CLU: variants seen among roughly 807,000 people sequenced by gnomAD.
CLU encodes the protein aging-associated protein 4.
CLU carries 25 observed loss-of-function variants against 46.4 expected under a neutral mutation model. That is an observed-to-expected ratio of 0.54 (90% CI 0.39 to 0.75). CLU has a LOEUF of 0.75. Ranked by LOEUF, CLU falls within the 30% of genes least tolerant of loss-of-function variation. The pLI is 0.00. For synonymous variants in CLU, 235 were observed against 235.1 expected (o/e 1.00, Z 0.00); for missense variants, 504 against 592.1 (o/e 0.85, Z 1.54).
intron 3 of CLU, among the ~76,000 whole-genome samples, chr8:27,607,075 C>T (rs1036774013): frequency 3.3e-5 from 5 of 152,190 alleles, no homozygotes; most frequent in African/African-American, 1.2e-4. Context: ...CGGCAGCTGA[C>T]ACCTGTAATC....
Position 27,608,976 on chromosome 8 carries a change from G to A in CLU, c.208C>T (p.Leu70=). 6.2e-7 allele frequency: 1 copy of A among 1,614,250 alleles called. No homozygotes were observed. The highest frequency in any genetic ancestry group is 1.7e-5 in the Admixed American group (1 of 60,036). The change falls in exon 3 of 9, where the codon CTG becomes TTG. Residue 70 remains leucine, a synonymous_variant. Coordinates refer to ENST00000316403, the MANE Select transcript of CLU (RefSeq NM_001831.4). ...TTGGCTTCTTCTAGGTTGCTGAGCA[G>A]TGTCTTGCGCTCTTCGTTTGTTTTT... ...IEKTNEERKT[L]LSNLEEAKKK...
intron 6 of CLU, among the ~76,000 whole-genome samples, chr8:27,601,210 G>A (rs985492349): frequency 2.6e-5 from 4 of 152,158 alleles, no homozygotes; most frequent in Non-Finnish European, 5.9e-5. Context: ...CACCACCCCC[G>A]GGTGATTTTT....
In CLU at chr8:27,598,262, AAC is replaced by A. The variant is rs1426324763; in HGVS notation, c.1341-14_1341-13del. 3.7e-6 allele frequency: 6 copies of A among 1,613,730 alleles called. No homozygotes were observed. The highest frequency in any genetic ancestry group is 5.1e-6 in the Non-Finnish European group (6 of 1,179,870). On this transcript the variant is annotated splice_polypyrimidine_tract_variant and intron_variant, in intron 8 of 8. Transcript: ENST00000316403. ...CATCTCACTCCTCCCTGAAATAAAAAACAGTTATCCTCCAAAGTAAAACATCC... is the reference window on the plus strand; with the variant it reads ...CATCTCACTCCTCCCTGAAATAAAAAAGTTATCCTCCAAAGTAAAACATCC...
chr8:27,606,756 C>T (rs1800829786), intron 3 of CLU, among the ~76,000 whole-genome samples: 1 of 152,252 alleles, frequency 6.6e-6, no homozygotes, highest in Admixed American at 6.5e-5. Context: ...CCAACTGTTC[C>T]CTAACTCCTA....
chr8:27,599,861 C>G lies in CLU; in HGVS notation c.1083G>C (p.Gln361His). 1 of 1,614,184 alleles carries G rather than the reference C, an allele frequency of 6.2e-7. No individual in the cohort carries two copies. The highest frequency in any genetic ancestry group is 8.5e-7 in the Non-Finnish European group (1 of 1,180,026). ...KMLNTSSLLE[Q>H]LNEQFNWVSR... ...ACACCCAGTTAAACTGCTCGTTCAG[C>G]TGCTCCAGCAAGGAGGAGGTGTTGA... Residue 361 changes from glutamine to histidine, a missense_variant, in exon 7 of 9, where the codon CAG becomes CAC. Around this residue, in one of 3 missense-constraint regions of CLU, gnomAD observed 428 missense variants for 484.0 expected, o/e 0.88. Transcript: ENST00000316403. The surrounding 1 kb of genome is among the most constrained non-coding windows in gnomAD (Gnocchi z 4.0).
In CLU at chr8:27,598,607, A is replaced by C. The variant is rs1477812662; in HGVS notation, c.1193T>G (p.Val398Gly). 3 of 1,614,168 alleles carry C rather than the reference A, an allele frequency of 1.9e-6. No homozygotes were observed. In the Admixed American group the frequency reaches 5.0e-5, roughly 27 times the overall value. ...GACCACCTCAGTGACACCGGAAGGA[A>C]CGTCCGAGTCAGAAGTGTGGGAAGC... is the stretch of plus-strand genomic sequence containing the variant. ...TVASHTSDSD[V>G]PSGVTEVVVK... The change falls in exon 8 of 9, where the codon GTT (valine) becomes GGT (glycine). Residue 398 changes from valine (V) to glycine (G), a missense_variant. Physicochemically the swap from Val to Gly is moderately radical, Grantham distance 109. Around this residue, in one of 3 missense-constraint regions of CLU, gnomAD observed 428 missense variants for 484.0 expected, o/e 0.88. Transcript: ENST00000316403.
At chr8:27,610,452 A>C (rs759859740) in intron 2 of CLU, 23 bp downstream of exon 2, 1 of 1,587,620 alleles carries the variant, frequency 6.3e-7, no homozygotes, top group Non-Finnish European at 8.6e-7. Context: ...TGGCCAGAGG[A>C]ACATCATGCT....
Position 27,599,963 on chromosome 8 carries a change from G to A in CLU, c.981C>T (p.Leu327=), listed in dbSNP as rs762416469. 6.2e-6 allele frequency: 10 copies of A among 1,614,138 alleles called. No individual in the cohort carries two copies. The highest frequency in any genetic ancestry group is 3.3e-5 in the Admixed American group (2 of 60,014). Residue 327 remains leucine (L), a synonymous_variant, in exon 7 of 9, where the codon CTC becomes CTT. Coordinates refer to ENST00000316403, the MANE Select transcript of CLU (RefSeq NM_001831.4). This position sits in a 1 kb window ranked among gnomAD's most constrained non-coding sequence, Gnocchi z 4.0. ...TCTCAGCGACCTGGAGGGATTCGTC[G>A]AGCTCCCGCCGCAGCTTAGCCTGGG... ...NPSQAKLRRE[L]DESLQVAERL...
At chr8:27,610,649 C>T (rs369555284) in intron 1 of CLU, 49 bp from the exon 2 acceptor site, 30 of 1,472,444 alleles carry the variant, frequency 2.0e-5, no homozygotes, top group South Asian at 3.4e-5. Context: ...AGCCTGCTGG[C>T]GTCCCGCCCA....
At chr8:27,606,072 A>G (rs9331909) in intron 4 of CLU, among the ~76,000 whole-genome samples, 134 of 152,178 alleles carry the variant, frequency 8.8e-4, no homozygotes, top group South Asian at 5.4e-3. Flanking sequence ...ATCCTTCCAC[A>G]TAAGTGGACA....
intron 2 of CLU, among the ~76,000 whole-genome samples, chr8:27,609,686 C>A (rs933564635): frequency 2.0e-5 from 3 of 152,260 alleles, no homozygotes; most frequent in Admixed American, 2.0e-4. Flanking sequence ...AGCCCCCCGC[C>A]GTGCCCACTT....
chr8:27,602,894 G>A (rs1211874097), intron 6 of CLU, among the ~76,000 whole-genome samples: 5 of 152,032 alleles, frequency 3.3e-5, no homozygotes, highest in African/African-American at 9.7e-5. Flanking sequence ...GTGAAATGCT[G>A]TCTCTACTAA....
In CLU at chr8:27,597,427, C is replaced by T. The variant is rs764612869; in HGVS notation, c.*814G>A. ...AAGGTATGAAGATCATATAAACCGGCGGTGGACAGGAAATGCCACAGTCAA... is the reference window on the plus strand; with the variant it reads ...AAGGTATGAAGATCATATAAACCGGTGGTGGACAGGAAATGCCACAGTCAA... On this transcript the variant is annotated 3_prime_UTR_variant, in exon 9 of 9. Coordinates refer to ENST00000316403, the MANE Select transcript of CLU (RefSeq NM_001831.4). 14 of 454,324 alleles carry T rather than the reference C, an allele frequency of 3.1e-5. No individual in the cohort carries two copies. Among genetic ancestry groups the T allele is most frequent in the Admixed American group, 1.2e-4 (5 of 42,538 alleles). 28.1% of individuals were successfully genotyped at this position (454,324 alleles called of 1,614,324 possible).
At chr8:27,612,968 A>AG (rs1013434996) in intron 1 of CLU, among the ~76,000 whole-genome samples, 64 of 7,184 alleles carry the variant, frequency 8.9e-3, no homozygotes, top group Non-Finnish European at 4.1e-3. Flanking sequence ...GGTGGGGGGC[A>AG]GGGGGGGCGG....
intron 1 of CLU, chr8:27,611,821 C>T (rs1563389767): frequency 2.2e-6 from 1 of 452,426 alleles, no homozygotes; most frequent in Non-Finnish European, 4.4e-6. Flanking sequence ...GGGCGGAGAC[C>T]GGGCTCACCA....
chr8:27,605,856 C>T (rs898503910), intron 4 of CLU, among the ~76,000 whole-genome samples: 2 of 151,550 alleles, frequency 1.3e-5, no homozygotes, highest in Non-Finnish European at 2.9e-5. Context: ...GGCAACATGG[C>T]CAAACCCCAT....
intron 2 of CLU, among the ~76,000 whole-genome samples, chr8:27,610,056 T>A (rs531275128): frequency 2.2e-4 from 34 of 152,140 alleles, no homozygotes; most frequent in Non-Finnish European, 3.4e-4. Flanking sequence ...CACCCATGTC[T>A]GATCTGGGTT....
At chr8:27,608,568 C>T (rs1800862220) in intron 3 of CLU, 1 of 425,254 alleles carries the variant, frequency 2.4e-6, no homozygotes, top group African/African-American at 2.0e-5. Flanking sequence ...TAACCCTAAC[C>T]ATATCACCCC....
chr8:27,611,872 T>C (rs887375847), intron 1 of CLU: 3 of 418,414 alleles, frequency 7.2e-6, no homozygotes, highest in African/African-American at 6.1e-5. Context: ...AGCTGCCCAC[T>C]GAGCCCTGAA....
Sources: gnomAD v4.1 joint callset for allele counts (sites outside exome capture counted in the v4.1 genomes callset) on GRCh38, gnomAD v4.1.1 for gene constraint, gnomAD v4.1.1 regional missense constraint, Gnocchi (gnomAD v3.1) non-coding constraint, MANE v1.5 for transcripts, NCBI Gene and HGNC (gene_info 2026-07-23, HGNC 2026-07-21) for gene names.